EEA1: variants seen among roughly 807,000 people sequenced by gnomAD.
EEA1 encodes early endosome antigen 1, also known as early endosome antigen 1, 162kD.
In EEA1, 111 loss-of-function variants were observed where a neutral mutation model predicts 209.2. That is an observed-to-expected ratio of 0.53 (90% confidence interval 0.45 to 0.62). EEA1 has a LOEUF of 0.62. EEA1 is among the 20% of genes least tolerant of loss of function. EEA1 has a pLI of 0.00. For missense variants in EEA1, 1,343 were observed against 1,530.8 expected (o/e 0.88, Z 2.05); for synonymous variants, 536 against 540.6 (o/e 0.99, Z 0.12).
rs117149931 is a variant in EEA1, at chr12:92,870,385, G to A, written c.118-5398C>T. Among the ~76,000 whole-genome samples, 46 of 152,206 alleles carry A rather than the reference G, an allele frequency of 3.0e-4. No individual in the cohort carries two copies. In the East Asian group the frequency reaches 7.3e-3, roughly 24 times the overall value. ...GATTTTCAAAGAAAACACATTATCA[G>A]GATCATCTGAGAAATTCTTTTCAGC... On this transcript the variant is annotated intron_variant, in intron 2 of 28. Coordinates refer to ENST00000322349, the MANE Select transcript of EEA1 (RefSeq NM_003566.4).
In EEA1 at chr12:92,801,678, C is replaced by T; in HGVS notation, c.2694G>A (p.Lys898=). ...LDLEKTCKEL[K]HQLQVQMENT... Reference sequence around the variant, plus strand: ...TTTCCATCTGCACTTGAAGTTGATGCTTTAATTCTTTGCAAGTTTTTTCCT... The same window carrying T: ...TTTCCATCTGCACTTGAAGTTGATGTTTTAATTCTTTGCAAGTTTTTTCCT... Residue 898 remains lysine (K), a synonymous_variant, in exon 20 of 29, where the codon AAG becomes AAA. Coordinates refer to ENST00000322349, the MANE Select transcript of EEA1 (RefSeq NM_003566.4). 2 of 1,588,506 alleles carry T rather than the reference C, an allele frequency of 1.3e-6. No individual in the cohort carries two copies. Among genetic ancestry groups the T allele is most frequent in the Admixed American group, 1.8e-5 (1 of 55,268 alleles).
In EEA1 at chr12:92,853,940, A is replaced by C. The variant is rs1320735953; in HGVS notation, c.381T>G (p.Asp127Glu). ...CTGCTGATGAATCAGTCACCAACCCATCAGGTTTGGCCTCCTCAATTAAAA... is the reference window on the plus strand; with the variant it reads ...CTGCTGATGAATCAGTCACCAACCCCTCAGGTTTGGCCTCCTCAATTAAAA... ...QGLQQQEAKP[D>E]GLVTDSSAEL... Residue 127 changes from aspartate to glutamate, a missense_variant, in exon 6 of 29, where the codon GAT becomes GAG. Asp to Glu is a conservative substitution (Grantham distance 45, BLOSUM62 2). Around this residue, in one of 3 missense-constraint regions of EEA1, gnomAD observed 1,307 missense variants for 1,465.5 expected, o/e 0.89. Transcript: ENST00000322349. 6.3e-7 allele frequency: 1 copy of C among 1,599,544 alleles called. No homozygotes were observed. Among genetic ancestry groups the C allele is most frequent in the Admixed American group, 1.7e-5 (1 of 57,718 alleles).
intron 9 of EEA1, among the ~76,000 whole-genome samples, chr12:92,846,976 G>C (rs1376315700): frequency 1.3e-5 from 2 of 151,980 alleles, no homozygotes; most frequent in Non-Finnish European, 2.9e-5. Flanking sequence ...TTTTGAGACA[G>C]AGTCTCACTC....
At chr12:92,817,847 G>A (rs753328789) in intron 14 of EEA1, among the ~76,000 whole-genome samples, 2 of 152,052 alleles carry the variant, frequency 1.3e-5, no homozygotes, top group African/African-American at 2.4e-5. Context: ...CAGGTGTATG[G>A]CAGCTTTTAC....
rs1287735512 is a variant in EEA1 at position 92,788,079 on chromosome 12, T to A, written c.2968-30A>T. On this transcript the variant is annotated intron_variant, in intron 21 of 28. Coordinates refer to ENST00000322349, the MANE Select transcript of EEA1 (RefSeq NM_003566.4). ...AACATACAATAGTTATTTAAAACAGTATGCATTCCAAAAACCAATTACAAA... is the reference window on the plus strand; with the variant it reads ...AACATACAATAGTTATTTAAAACAGAATGCATTCCAAAAACCAATTACAAA... 3 of 1,462,626 alleles carry A rather than the reference T, an allele frequency of 2.1e-6. No homozygotes were observed. In the East Asian group the frequency reaches 7.4e-5, roughly 36 times the overall value. The allele number at this position is 1,462,626 out of a possible 1,614,324, so 90.6% of individuals were successfully genotyped here. A position where few individuals can be genotyped will look rare whatever the true frequency, so the allele number is the denominator to read the frequency against.
chr12:92,928,095 C>T (rs1881276597), intron 1 of EEA1, among the ~76,000 whole-genome samples: 1 of 151,756 alleles, frequency 6.6e-6, no homozygotes, highest in Non-Finnish European at 1.5e-5. Context: ...GGCTCGGCAC[C>T]TACTTTTCAA....
intron 1 of EEA1, 97 bp downstream of exon 1, chr12:92,928,946 G>A: frequency 7.4e-7 from 1 of 1,352,704 alleles, no homozygotes. Flanking sequence ...GCCTAGGGAA[G>A]GAAGGAGCCC....
chr12:92,858,604 C>T, intron 3 of EEA1: 1 of 742,988 alleles, frequency 1.3e-6, no homozygotes, highest in East Asian at 2.5e-5. Flanking sequence ...TGGCACTTTG[C>T]CTGGGTTATG....
intron 10 of EEA1, among the ~76,000 whole-genome samples, chr12:92,835,102 C>T (rs1044363451): frequency 6.6e-6 from 1 of 151,816 alleles, no homozygotes; most frequent in Non-Finnish European, 1.5e-5. Context: ...AGGATGGTCT[C>T]GATCTCCTGA....
chr12:92,839,868 C>G (rs562909460), intron 10 of EEA1, among the ~76,000 whole-genome samples: 1 of 152,120 alleles, frequency 6.6e-6, no homozygotes, highest in African/African-American at 2.4e-5. Context: ...TACCCTGAAA[C>G]TTCATGGCAG....
chr12:92,912,289 T>C (rs1880609154), intron 1 of EEA1, among the ~76,000 whole-genome samples: 1 of 152,200 alleles, frequency 6.6e-6, no homozygotes, highest in African/African-American at 2.4e-5. Flanking sequence ...GAATCAGGCC[T>C]ATGTTTTCAT....
intron 20 of EEA1, among the ~76,000 whole-genome samples, chr12:92,800,020 C>T (rs1270126728): frequency 4.0e-5 from 6 of 151,682 alleles, no homozygotes; most frequent in African/African-American, 1.5e-4. Context: ...GTCAGGAGCT[C>T]GAGACCAGCC....
chr12:92,793,243 C>T (rs1042085916), intron 21 of EEA1, among the ~76,000 whole-genome samples: 1 of 152,174 alleles, frequency 6.6e-6, no homozygotes, highest in Non-Finnish European at 1.5e-5. Flanking sequence ...CCCTCTCTCA[C>T]CACTCCTATT....
chr12:92,862,712 A>G (rs1460696561), intron 3 of EEA1, among the ~76,000 whole-genome samples: 2 of 152,234 alleles, frequency 1.3e-5, no homozygotes, highest in Admixed American at 1.3e-4. Flanking sequence ...AAGGCCTAAA[A>G]TAAACTATAA....
chr12:92,792,433 A>C (rs1471378662), intron 21 of EEA1, among the ~76,000 whole-genome samples: 1 of 152,190 alleles, frequency 6.6e-6, no homozygotes, highest in African/African-American at 2.4e-5. Flanking sequence ...CAATAAAAAA[A>C]TGATAAAGGG....
rs753461435 is a variant in EEA1, at chr12:92,778,046, C to T, written c.3788G>A (p.Arg1263Lys). 2.4e-5 allele frequency: 39 copies of T among 1,613,546 alleles called. No homozygotes were observed. The South Asian group carries it at 3.2e-4, about 13-fold the overall frequency. ...CGTTTGTTTCTCAAGCTCACTAACT[C>T]TCCGTTGACTAGATTGCCACTCCTT... Reference protein sequence around the residue: ...VKKEWQSSQRRVSELEKQTDD... With the variant: ...VKKEWQSSQRKVSELEKQTDD... The change falls in exon 26 of 29, where the codon AGA becomes AAA. Residue 1263 changes from arginine (R) to lysine (K), a missense_variant. By Grantham distance (26) the Arg-to-Lys change is conservative. Transcript: ENST00000322349.
At chr12:92,904,611 T>C (rs1565858747) in intron 1 of EEA1, among the ~76,000 whole-genome samples, 1 of 152,190 alleles carries the variant, frequency 6.6e-6, no homozygotes, top group African/African-American at 2.4e-5. Context: ...CCCACACTTT[T>C]GTCTACTTTG....
chr12:92,806,984 TTGGAGTGCAGTGGCAC>T (rs1253255798), intron 18 of EEA1, among the ~76,000 whole-genome samples: 10 of 151,930 alleles, frequency 6.6e-5, no homozygotes, highest in East Asian at 3.9e-4. Flanking sequence ...GTCGCCCAGG[TTGGAGTGCAGTGGCAC>T]TGGAGTGCAG....
intron 1 of EEA1, among the ~76,000 whole-genome samples, chr12:92,894,100 A>G (rs1879768926): frequency 6.6e-6 from 1 of 152,154 alleles, no homozygotes; most frequent in African/African-American, 2.4e-5. Flanking sequence ...CATATCTGTT[A>G]TGGTGACCTG....
Sources: allele counts gnomAD v4.1 joint callset (sites outside exome capture counted in the v4.1 genomes callset), GRCh38; gene constraint gnomAD v4.1.1; regional missense constraint gnomAD v4.1.1; transcripts MANE v1.5; gene names NCBI Gene and HGNC (gene_info 2026-07-23, HGNC 2026-07-21).